Variants in INTS1 observed in about 807,000 individuals in gnomAD.
INTS1 encodes the protein integrator complex subunit 1.
In INTS1, 137 loss-of-function variants were observed where a neutral mutation model predicts 241.6. The observed-to-expected ratio is 0.57, with a 90% CI of 0.49 to 0.65. The LOEUF is 0.65. Ranked by LOEUF, INTS1 falls within the 30% of genes least tolerant of loss-of-function variation. The pLI, the probability that INTS1 is intolerant of heterozygous loss-of-function variation, is 0.00. For synonymous variants in INTS1, 1,692 were observed against 1,337.8 expected (o/e 1.26, Z -5.78); for missense variants, 3,073 against 3,032.2 (o/e 1.01, Z -0.32).
chr7:1,477,357 C>T (rs1185913297), intron 35 of INTS1, among the ~76,000 whole-genome samples, 193 bp downstream of exon 35: 2 of 152,188 alleles, frequency 1.3e-5, no homozygotes, highest in African/African-American at 4.8e-5. Flanking sequence ...TGACTGTGAC[C>T]CTGGCCTGGG....
At chr7:1,498,090 T>C (rs892921619) in intron 10 of INTS1, among the ~76,000 whole-genome samples, 14 of 152,132 alleles carry the variant, frequency 9.2e-5, no homozygotes, top group Non-Finnish European at 1.0e-4. Flanking sequence ...AAGGCAGGAA[T>C]GAGCTTGAAA....
chr7:1,473,462 G>A (rs1781568613), intron 42 of INTS1, 104 bp downstream of exon 42: 4 of 1,383,398 alleles, frequency 2.9e-6, no homozygotes, highest in African/African-American at 1.4e-5. Flanking sequence ...CCGGCCTCAG[G>A]AGCAGCATAT....
Position 1,478,735 on chromosome 7 carries a change from G to A in INTS1, c.4480C>T (p.Leu1494Phe). The A allele has an allele frequency of 6.3e-7, 1 of 1,579,708 alleles. No individual in the cohort carries two copies. Among genetic ancestry groups the A allele is most frequent in the East Asian group, 2.3e-5 (1 of 43,086 alleles). ...CCGGCGCGGTCCTCACCATCACTGA[G>A]CCTGCGCCCGGCTGAGGCCTGGCTG... Reference protein sequence around the residue: ...LASQASAGRRLSDVRGGLLRL... With the variant: ...LASQASAGRRFSDVRGGLLRL... Residue 1494 changes from leucine (L) to phenylalanine (F), a missense_variant, in exon 32 of 48, where the codon CTC becomes TTC. Physicochemically the swap from Leu to Phe is conservative, Grantham distance 22. Coordinates refer to ENST00000404767, the MANE Select transcript of INTS1 (RefSeq NM_001080453.3).
chr7:1,497,122 C>A lies in INTS1; in HGVS notation c.1602+16G>T. 1.3e-6 allele frequency: 2 copies of A among 1,584,466 alleles called. No individual in the cohort carries two copies. Among genetic ancestry groups the A allele is most frequent in the Non-Finnish European group, 8.6e-7 (1 of 1,167,298 alleles). ...CCGCAGTGAGGGAAAGGCGCCCCAG[C>A]GGCGAGGGCTGGCACCTTGAACTCC... On this transcript the variant is annotated intron_variant, in intron 11 of 47. Transcript: ENST00000404767. The surrounding 1 kb of genome is among the most constrained non-coding windows in gnomAD (Gnocchi z 5.3).
chr7:1,478,445 G>A lies in INTS1; in HGVS notation c.4551C>T (p.Val1517=). ...CGATGACGGCACGGACGGTGGAGCTGACCACCTCCAGGTCCTGACGGAAGG... is the reference window on the plus strand; with the variant it reads ...CGATGACGGCACGGACGGTGGAGCTAACCACCTCCAGGTCCTGACGGAAGG... ...ALAFRQDLEV[V]SSTVRAVIAT... is the part of the protein sequence containing the mutation. Residue 1517 remains valine (V), a synonymous_variant, in exon 33 of 48, where the codon GTC becomes GTT. Transcript: ENST00000404767. The A allele has an allele frequency of 1.2e-6, 2 of 1,612,510 alleles. No homozygotes were observed. Among genetic ancestry groups the A allele is most frequent in the East Asian group, 4.5e-5 (2 of 44,880 alleles).
At chr7:1,488,248 G>A (rs1293477947) in intron 18 of INTS1, among the ~76,000 whole-genome samples, 22 of 152,152 alleles carry the variant, frequency 1.4e-4, no homozygotes, top group Admixed American at 1.4e-3. Flanking sequence ...CTCCTCCCAG[G>A]CCACCTCCCC....
In INTS1 at chr7:1,478,353, G is replaced by C. The variant is rs748002206; in HGVS notation, c.4630+13C>G. ...GGCCGCCGTGGCCCAAGAGGATGGT[G>C]CCAGGAAGGTACCTTTGCTGATCAG... On this transcript the variant is annotated intron_variant, in intron 33 of 47. Transcript: ENST00000404767. 1.9e-6 allele frequency: 3 copies of C among 1,611,048 alleles called. No individual in the cohort carries two copies. Among genetic ancestry groups the C allele is most frequent in the Non-Finnish European group, 2.5e-6 (3 of 1,178,634 alleles).
At chr7:1,498,941 C>CCAG in intron 8 of INTS1, 34 bp downstream of exon 8, 4 of 1,344,048 alleles carry the variant, frequency 3.0e-6, no homozygotes, top group Non-Finnish European at 4.1e-6. Flanking sequence ...CCCCCACCCC[C>CCAG]TGCCCCGCCC....
intron 16 of INTS1, 56 bp from the exon 17 acceptor site, chr7:1,489,738 A>G: frequency 7.7e-7 from 1 of 1,304,834 alleles, no homozygotes; most frequent in Non-Finnish European, 1.0e-6. Context: ...AGCGCCAAGG[A>G]TCGGCCGGGC....
At position 1,497,371 on chromosome 7, in the gene INTS1, G is replaced by A. The variant is rs544774410; in HGVS notation, c.1426-57C>T. The A allele has an allele frequency of 1.2e-5, 19 of 1,537,810 alleles. No individual in the cohort carries two copies. In the Admixed American group the frequency reaches 3.1e-4, roughly 25 times the overall value. On this transcript the variant is annotated intron_variant, in intron 10 of 47. Transcript: ENST00000404767. This position sits in a 1 kb window ranked among gnomAD's most constrained non-coding sequence, Gnocchi z 5.3. ...CCCGACAGTGCTGTCCCTGTCACAG[G>A]CCCCTTCCCGCAGCACCAACAGGTA...
intron 10 of INTS1, 196 bp downstream of exon 10, chr7:1,498,216 G>A (rs1174305087): frequency 5.2e-6 from 4 of 763,726 alleles, no homozygotes; most frequent in South Asian, 1.8e-5. Flanking sequence ...AAAGACGCTG[G>A]GCGCTGTGGC....
rs758427064 is a variant in INTS1 at position 1,470,564 on chromosome 7, G to T, written c.*13C>A. 5.2e-6 allele frequency: 8 copies of T among 1,531,398 alleles called. No individual in the cohort carries two copies. The South Asian group carries it at 8.4e-5, about 16-fold the overall frequency. The allele number at this position is 1,531,398 out of a possible 1,614,324, so 94.9% of individuals were successfully genotyped here. On this transcript the variant is annotated 3_prime_UTR_variant, in exon 48 of 48. Coordinates refer to ENST00000404767, the MANE Select transcript of INTS1 (RefSeq NM_001080453.3). ...ACGGGCCGGGGCTTGGAGGGGGGTC[G>T]GCTGCCACAGGCTCACATCACGGCC... is the stretch of plus-strand genomic sequence containing the variant.
chr7:1,482,428 T>C (rs1310452260), intron 27 of INTS1, 118 bp downstream of exon 27: 3 of 1,000,762 alleles, frequency 3.0e-6, no homozygotes, highest in East Asian at 2.6e-5. Context: ...CCCCTGAGGC[T>C]ACCCGGCCAG....
chr7:1,493,632 C>G lies in INTS1; in HGVS notation c.2068+122G>C. 1 of 1,336,940 alleles carries G rather than the reference C, an allele frequency of 7.5e-7. No individual in the cohort carries two copies. 82.8% of individuals were successfully genotyped at this position (1,336,940 alleles called of 1,614,324 possible). A position where few individuals can be genotyped will look rare whatever the true frequency, so the allele number is the denominator to read the frequency against. ...GGCAGGTCCCCGAGCCTCCCGGGGA[C>G]CCAGGACCCAGCTGAAGCGCAGCTT... is the stretch of plus-strand genomic sequence containing the variant. On this transcript the variant is annotated intron_variant, in intron 15 of 47. Transcript: ENST00000404767. The surrounding 1 kb of genome is among the most constrained non-coding windows in gnomAD (Gnocchi z 5.3).
At position 1,470,557 on chromosome 7, in the gene INTS1, G is replaced by T. The variant is rs756205881; in HGVS notation, c.*20C>A. 12 of 1,518,910 alleles carry T rather than the reference G, an allele frequency of 7.9e-6. No homozygotes were observed. Among genetic ancestry groups the T allele is most frequent in the Non-Finnish European group, 1.1e-5 (12 of 1,125,382 alleles). The allele number at this position is 1,518,910 out of a possible 1,614,324, so 94.1% of individuals were successfully genotyped here. A position where few individuals can be genotyped will look rare whatever the true frequency, so the allele number is the denominator to read the frequency against. On this transcript the variant is annotated 3_prime_UTR_variant, in exon 48 of 48. Coordinates refer to ENST00000404767, the MANE Select transcript of INTS1 (RefSeq NM_001080453.3). The stretch of plus-strand genomic sequence containing the variant: ...GGACGGGACGGGCCGGGGCTTGGAG[G>T]GGGGTCGGCTGCCACAGGCTCACAT...
At position 1,474,731 on chromosome 7, in the gene INTS1, C is replaced by A; in HGVS notation, c.5610G>T (p.Ala1870=). The A allele has an allele frequency of 1.9e-6, 3 of 1,561,694 alleles. No homozygotes were observed. Among genetic ancestry groups the A allele is most frequent in the Non-Finnish European group, 2.6e-6 (3 of 1,155,064 alleles). The change falls in exon 40 of 48, where the codon GCG becomes GCT. Residue 1870 remains alanine, a synonymous_variant. Coordinates refer to ENST00000404767, the MANE Select transcript of INTS1 (RefSeq NM_001080453.3). ...ADASMACRKL[A]VAHPLLLLRH... is the part of the protein sequence containing the mutation. The stretch of plus-strand genomic sequence containing the variant: ...TGAGCAGCAGCAGCGGGTGCGCCAC[C>A]GCCAGCTTCCGGCAGGCCATGCTGG...
At chr7:1,491,971 G>C (rs1411450531) in intron 16 of INTS1, among the ~76,000 whole-genome samples, 1 of 152,210 alleles carries the variant, frequency 6.6e-6, no homozygotes. Context: ...GGATGTCTCT[G>C]CTGAGAAACA....
rs375103062 is a variant in INTS1 at position 1,503,204 on chromosome 7, G to A, written c.59-13C>T. 1.3e-6 allele frequency: 2 copies of A among 1,520,106 alleles called. No individual in the cohort carries two copies. Among genetic ancestry groups the A allele is most frequent in the Middle Eastern group, 1.9e-4 (1 of 5,404 alleles). The allele number at this position is 1,520,106 out of a possible 1,614,324, so 94.2% of individuals were successfully genotyped here. A position where few individuals can be genotyped will look rare whatever the true frequency, so the allele number is the denominator to read the frequency against. Reference sequence around the variant, plus strand: ...GGGGGAGGGTGCCCTGCAGAGAAAGGAGAGAGAAAACCGGGCACATTTGCA... The same window carrying A: ...GGGGGAGGGTGCCCTGCAGAGAAAGAAGAGAGAAAACCGGGCACATTTGCA... On this transcript the variant is annotated splice_polypyrimidine_tract_variant and intron_variant, in intron 2 of 47. Transcript: ENST00000404767.
Position 1,489,571 on chromosome 7 carries a change from G to A in INTS1, c.2257+20C>T. On this transcript the variant is annotated intron_variant, in intron 17 of 47. Transcript: ENST00000404767. ...CCAGCAGGGCCACGTGTGCGCATGG[G>A]GCGGCCAGCAGAGGCTCACCGATGT... is the stretch of plus-strand genomic sequence containing the variant. The A allele has an allele frequency of 6.4e-7, 1 of 1,557,056 alleles. No individual in the cohort carries two copies. Among genetic ancestry groups the A allele is most frequent in the South Asian group, 1.2e-5 (1 of 84,256 alleles).
Sources: gnomAD v4.1 joint callset for allele counts (sites outside exome capture counted in the v4.1 genomes callset) on GRCh38, gnomAD v4.1.1 for gene constraint, Gnocchi (gnomAD v3.1) non-coding constraint, MANE v1.5 for transcripts, NCBI Gene and HGNC (gene_info 2026-07-23, HGNC 2026-07-21) for gene names.